Variants in ECT2 observed in about 807,000 individuals in gnomAD.
ECT2 encodes the protein epithelial cell transforming 2.
Under a neutral mutation model 116.9 loss-of-function variants are expected in ECT2, and 61 were observed. That is an observed-to-expected ratio of 0.52 (90% CI 0.42 to 0.65). ECT2 has a LOEUF of 0.65. Among genes scored for constraint, ECT2 ranks in the 30% least tolerant of loss-of-function variants. The probability of loss-of-function intolerance (pLI) is 0.00; values close to 1 mark genes in which losing one functional copy is unlikely to be tolerated. For synonymous variants in ECT2, 358 were observed against 346.4 expected, an observed-to-expected ratio of 1.03 and a Z score of -0.37; for missense variants, 937 against 1,078.7, an observed-to-expected ratio of 0.87 and a Z score of 1.84.
At chr3:172,757,695 G>A (rs887327481) in intron 5 of ECT2, among the ~76,000 whole-genome samples, 5 of 152,112 alleles carry the variant, frequency 3.3e-5, no homozygotes, top group African/African-American at 9.7e-5. Flanking sequence ...GATTACAGGC[G>A]TGAGCCACTG....
intron 18 of ECT2, among the ~76,000 whole-genome samples, chr3:172,797,447 T>C (rs1016817877): frequency 2.0e-5 from 3 of 152,222 alleles, no homozygotes; most frequent in Non-Finnish European, 2.9e-5. Context: ...TTGCTTCAGC[T>C]TTTTTCTGTC....
In ECT2 at chr3:172,773,896, C is replaced by T. The variant is rs113580498; in HGVS notation, c.1429-7C>T. 52 of 1,609,576 alleles carry T rather than the reference C, an allele frequency of 3.2e-5. No homozygotes were observed. The African/African-American group carries it at 5.2e-4, about 16-fold the overall frequency. ...ATCTACTTAAACTAGTCTTTTTTCT[C>T]ATTTAGTTATTTCAAGTACCATTGG... On this transcript the variant is annotated splice_polypyrimidine_tract_variant and splice_region_variant and intron_variant, in intron 13 of 24. Transcript: ENST00000392692.
At chr3:172,813,763 A>G (rs1729183178) in intron 22 of ECT2, among the ~76,000 whole-genome samples, 1 of 152,034 alleles carries the variant, frequency 6.6e-6, no homozygotes, top group South Asian at 2.1e-4. Context: ...AATGCTCAAA[A>G]ATAGTGGAAT....
chr3:172,800,169 G>A (rs1263675325), intron 18 of ECT2, among the ~76,000 whole-genome samples: 1 of 152,184 alleles, frequency 6.6e-6, no homozygotes, highest in Non-Finnish European at 1.5e-5. Context: ...GATCATTCTT[G>A]TTATACCCAA....
chr3:172,809,599 G>A (rs13059011), intron 22 of ECT2, among the ~76,000 whole-genome samples: 6 of 126,484 alleles, frequency 4.7e-5, no homozygotes, highest in Admixed American at 3.1e-4. Context: ...ACACACACAC[G>A]CACACACACA....
At chr3:172,769,188 C>A in intron 13 of ECT2, 45 bp downstream of exon 13, 1 of 1,525,866 alleles carries the variant, frequency 6.6e-7, no homozygotes, top group South Asian at 1.3e-5. Context: ...TCCAGTGTTC[C>A]TAAGTAAAAA....
chr3:172,787,665 C>T (rs1017652609), intron 18 of ECT2, among the ~76,000 whole-genome samples: 1 of 152,096 alleles, frequency 6.6e-6, no homozygotes, highest in African/African-American at 2.4e-5. Context: ...AATTTTTCAA[C>T]ACCTTATGGT....
chr3:172,805,317 G>C (rs1262459282), intron 20 of ECT2, among the ~76,000 whole-genome samples: 1 of 152,032 alleles, frequency 6.6e-6, no homozygotes, highest in African/African-American at 2.4e-5. Flanking sequence ...ATTAACACTT[G>C]TTATTGTTTT....
At position 172,785,167 on chromosome 3, in the gene ECT2, G is replaced by T. The variant is rs891501159; in HGVS notation, c.1825+364G>T. Among the ~76,000 whole-genome samples, 28 of 151,978 alleles carry T rather than the reference G, an allele frequency of 1.8e-4. No homozygotes were observed. The South Asian group carries it at 3.7e-3, about 20-fold the overall frequency. ...CCCGACTTTTTTGTAGCCCTTTTTT[G>T]AATTTTAGTAAAGTTCTATATACTT... On this transcript the variant is annotated intron_variant, in intron 17 of 24. Coordinates refer to ENST00000392692, the MANE Select transcript of ECT2 (RefSeq NM_001258315.2).
chr3:172,783,557 TTTG>T (rs1461698310), intron 15 of ECT2, among the ~76,000 whole-genome samples: 1 of 152,134 alleles, frequency 6.6e-6, no homozygotes, highest in African/African-American at 2.4e-5. Flanking sequence ...TAACATATCT[TTTG>T]TTTTTTTTCT....
intron 1 of ECT2, 164 bp downstream of exon 1, chr3:172,751,021 C>T (rs561731764): frequency 6.6e-6 from 1 of 152,582 alleles, no homozygotes; most frequent in East Asian, 1.9e-4. Flanking sequence ...CACCCCACCC[C>T]CAGCAGCCGG....
At chr3:172,825,554 C>G (rs146546775), downstream of ECT2, among the ~76,000 whole-genome samples, 4 of 152,200 alleles carry the variant, frequency 2.6e-5, no homozygotes, top group South Asian at 2.1e-4. Context: ...ATTGCTGATA[C>G]GAAGAAAGTT....
At chr3:172,784,892 T>C in intron 17 of ECT2, 89 bp downstream of exon 17, 1 of 819,296 alleles carries the variant, frequency 1.2e-6, no homozygotes, top group Non-Finnish European at 1.9e-6. Flanking sequence ...ATTTTTAGAG[T>C]TTCTTAGATT....
chr3:172,753,823 A>G (rs1174475798), intron 1 of ECT2, among the ~76,000 whole-genome samples: 2 of 152,198 alleles, frequency 1.3e-5, no homozygotes, highest in Non-Finnish European at 2.9e-5. Context: ...CGGGGACCAA[A>G]TTGTGAACTT....
chr3:172,793,446 C>A (rs1158256765), intron 18 of ECT2, among the ~76,000 whole-genome samples: 1 of 151,518 alleles, frequency 6.6e-6, no homozygotes, highest in Non-Finnish European at 1.5e-5. Context: ...AGCCCCCGCG[C>A]CCAGCCTATT....
chr3:172,762,883 T>G (rs371741696), intron 10 of ECT2, 27 bp from the exon 11 acceptor site: 2 of 1,612,516 alleles, frequency 1.2e-6, no homozygotes, highest in African/African-American at 1.3e-5. Flanking sequence ...GTAAACTGTT[T>G]ATTAAAATGT....
chr3:172,770,650 T>C (rs1720451740), intron 13 of ECT2, among the ~76,000 whole-genome samples: 2 of 152,166 alleles, frequency 1.3e-5, no homozygotes, highest in African/African-American at 4.8e-5. Flanking sequence ...CATGATAATA[T>C]TCTCATTAAA....
Position 172,782,236 on chromosome 3 carries a change from G to T in ECT2, c.1617+5G>T. On this transcript the variant is annotated splice_donor_5th_base_variant and intron_variant, in intron 15 of 24. Transcript: ENST00000392692. ...GGTGACATTTTTCTGAAATATGTAAGTATTGTATTTCTTTTTTAAGTTTTC... is the reference window on the plus strand; with the variant it reads ...GGTGACATTTTTCTGAAATATGTAATTATTGTATTTCTTTTTTAAGTTTTC... 1 of 1,507,490 alleles carries T rather than the reference G, an allele frequency of 6.6e-7. No individual in the cohort carries two copies. The allele number at this position is 1,507,490 out of a possible 1,614,324, so 93.4% of individuals were successfully genotyped here.
intron 1 of ECT2, among the ~76,000 whole-genome samples, chr3:172,752,988 A>G (rs1028684548): frequency 1.3e-5 from 2 of 152,202 alleles, no homozygotes; most frequent in African/African-American, 2.4e-5. Flanking sequence ...GAAAGGGGAA[A>G]GTCTGACATG....
Sources: gnomAD v4.1 joint callset for allele counts (sites outside exome capture counted in the v4.1 genomes callset) on GRCh38, gnomAD v4.1.1 for gene constraint, MANE v1.5 for transcripts, NCBI Gene and HGNC (gene_info 2026-07-23, HGNC 2026-07-21) for gene names.